The following MAPK8IP3 variants were observed in gnomAD, a reference collection of about 807,000 sequenced individuals.
The protein encoded by MAPK8IP3 is C-Jun-amino-terminal kinase-interacting protein 3.
A neutral mutation model predicts 157.8 loss-of-function variants in MAPK8IP3; 49 were observed. That is an observed-to-expected ratio of 0.31 (90% CI 0.25 to 0.39). The LOEUF is 0.39. Ranked by LOEUF, MAPK8IP3 falls within the 10% of genes least tolerant of loss-of-function variation. The pLI, the probability that MAPK8IP3 is intolerant of heterozygous loss-of-function variation, is 1.00. For missense variants in MAPK8IP3, 1,478 were observed against 1,889.4 expected (o/e 0.78, Z 4.04); for synonymous variants, 897 against 777.7 (o/e 1.15, Z -2.55).
chr16:1,726,971 TGTCTGTGTGTTGTGTGCTGTGTGCAGC>T (rs2038919406), intron 2 of MAPK8IP3, among the ~76,000 whole-genome samples: 2 of 151,364 alleles, frequency 1.3e-5, no homozygotes, highest in African/African-American at 2.4e-5. Context: ...CTGTGTGCAG[TGTCTGTGTGTTGTGTGCTGTGTGCAGC>T]GTCTGTGTGT....
At chr16:1,752,365 G>T in intron 8 of MAPK8IP3, 1 of 244,004 alleles carries the variant, frequency 4.1e-6, no homozygotes, top group South Asian at 3.3e-5. Context: ...GGGCATCGCC[G>T]AGCTCAGGCT....
At chr16:1,723,992 C>T (rs749906489) in intron 1 of MAPK8IP3, among the ~76,000 whole-genome samples, 2 of 152,120 alleles carry the variant, frequency 1.3e-5, no homozygotes, top group South Asian at 2.1e-4. Flanking sequence ...ATCCCAGTAA[C>T]GATGGTGTCC....
chr16:1,769,066 C>A lies in MAPK8IP3; in HGVS notation c.*242C>A. 1.8e-6 allele frequency: 1 copy of A among 557,376 alleles called. No individual in the cohort carries two copies. The highest frequency in any genetic ancestry group is 3.2e-6 in the Non-Finnish European group (1 of 312,154). The allele number at this position is 557,376 out of a possible 1,614,324, so 34.5% of individuals were successfully genotyped here. On this transcript the variant is annotated 3_prime_UTR_variant, in exon 32 of 32. Coordinates refer to ENST00000610761, the MANE Select transcript of MAPK8IP3 (RefSeq NM_001318852.2). Reference sequence around the variant, plus strand: ...GCTCTCGGGACAGTTTCCCGGGCAGCTCCTGGCCAGCTTCCAGCCCAGAGT... The same window carrying A: ...GCTCTCGGGACAGTTTCCCGGGCAGATCCTGGCCAGCTTCCAGCCCAGAGT...
At chr16:1,738,999 T>TGAGA (rs1234633266) in intron 4 of MAPK8IP3, among the ~76,000 whole-genome samples, 4 of 124,176 alleles carry the variant, frequency 3.2e-5, no homozygotes, top group South Asian at 2.9e-4. Flanking sequence ...AGCATCCGTG[T>TGAGA]GTGTGACCAT....
chr16:1,716,048 C>T (rs772673182), intron 1 of MAPK8IP3, among the ~76,000 whole-genome samples: 2 of 152,056 alleles, frequency 1.3e-5, no homozygotes, highest in Non-Finnish European at 2.9e-5. Context: ...TAATGTATTA[C>T]TTTACTCAGC....
At chr16:1,735,947 A>AGC (rs2039722735) in intron 4 of MAPK8IP3, among the ~76,000 whole-genome samples, 1 of 108,266 alleles carries the variant, frequency 9.2e-6, no homozygotes, top group African/African-American at 3.8e-5. Context: ...CGTCTGTGTG[A>AGC]GTGTGACCGC....
rs751887466 is a variant in MAPK8IP3, at chr16:1,729,597, G to A, written c.602+19G>A. 4 of 1,575,744 alleles carry A rather than the reference G, an allele frequency of 2.5e-6. No individual in the cohort carries two copies. Among genetic ancestry groups the A allele is most frequent in the Non-Finnish European group, 3.5e-6 (4 of 1,158,060 alleles). On this transcript the variant is annotated intron_variant, in intron 4 of 31. Coordinates refer to ENST00000610761, the MANE Select transcript of MAPK8IP3 (RefSeq NM_001318852.2). The stretch of plus-strand genomic sequence containing the variant: ...GGCGGAGGTACGCGGGGCGCGGCGG[G>A]GTGGAGGTACGCGGGGCGCGGCGGG...
chr16:1,744,354 C>G, intron 5 of MAPK8IP3: 1 of 986,030 alleles, frequency 1.0e-6, no homozygotes, highest in Non-Finnish European at 1.2e-6. Context: ...TTACTTCCTG[C>G]TGCATGCTTT....
intron 8 of MAPK8IP3, among the ~76,000 whole-genome samples, chr16:1,750,458 C>G (rs926418634): frequency 6.6e-6 from 1 of 152,158 alleles, no homozygotes; most frequent in Non-Finnish European, 1.5e-5. Flanking sequence ...GGTGATCCAC[C>G]CGCCTCAGGC....
At chr16:1,715,733 T>A (rs2038103362) in intron 1 of MAPK8IP3, among the ~76,000 whole-genome samples, 1 of 144,264 alleles carries the variant, frequency 6.9e-6, no homozygotes, top group Non-Finnish European at 1.5e-5. Context: ...GAGGTTTGGA[T>A]TTTTTTTTTT....
In MAPK8IP3 at chr16:1,758,275, C is replaced by T. The variant is rs1443627402; in HGVS notation, c.1228+116C>T. 1.7e-5 allele frequency: 20 copies of T among 1,203,014 alleles called. No homozygotes were observed. The Admixed American group carries it at 1.7e-4, about 10-fold the overall frequency. 74.5% of individuals were successfully genotyped at this position (1,203,014 alleles called of 1,614,324 possible). The stretch of plus-strand genomic sequence containing the variant: ...CTGTGTGGACTGCCCCCCACGTCGC[C>T]GCAGCGCCTCTGCTTCTGCTCGCAG... On this transcript the variant is annotated intron_variant, in intron 9 of 31. Coordinates refer to ENST00000610761, the MANE Select transcript of MAPK8IP3 (RefSeq NM_001318852.2).
chr16:1,753,607 A>C (rs2041425787), intron 8 of MAPK8IP3, among the ~76,000 whole-genome samples: 1 of 151,240 alleles, frequency 6.6e-6, no homozygotes. Flanking sequence ...TGCCCGGCTA[A>C]TTTTTTGTAT....
At chr16:1,715,025 T>C (rs1417755575) in intron 1 of MAPK8IP3, among the ~76,000 whole-genome samples, 1 of 152,158 alleles carries the variant, frequency 6.6e-6, no homozygotes, top group Non-Finnish European at 1.5e-5. Context: ...AATTTATATA[T>C]ATATTTCCCA....
chr16:1,713,334 T>C (rs2037919572), intron 1 of MAPK8IP3, among the ~76,000 whole-genome samples: 1 of 152,202 alleles, frequency 6.6e-6, no homozygotes, highest in Non-Finnish European at 1.5e-5. Context: ...TCCTCCCATC[T>C]CAGCCTCCCG....
intron 8 of MAPK8IP3, among the ~76,000 whole-genome samples, chr16:1,752,705 C>T (rs1248395035): frequency 6.7e-6 from 1 of 149,892 alleles, no homozygotes; most frequent in Admixed American, 6.7e-5. Flanking sequence ...GCTGTGAGCA[C>T]ACCACTGCAC....
In MAPK8IP3 at chr16:1,710,568, C is replaced by A. The variant is rs1359732491; in HGVS notation, c.318+3911C>A. ...AGCTGGAGAAAACAAACACCATAAT[C>A]CCGCTCTACAGAGATGATCAGTCTG... On this transcript the variant is annotated intron_variant, in intron 1 of 31. Coordinates refer to ENST00000610761, the MANE Select transcript of MAPK8IP3 (RefSeq NM_001318852.2). This position sits in a 1 kb window ranked among gnomAD's most constrained non-coding sequence, Gnocchi z 4.1. 1.3e-5 allele frequency among the ~76,000 whole-genome samples: 2 copies of A among 152,180 alleles called. No individual in the cohort carries two copies. The highest frequency in any genetic ancestry group is 2.9e-5 in the Non-Finnish European group (2 of 68,032).
At chr16:1,735,846 C>A (rs1359405968) in intron 4 of MAPK8IP3, among the ~76,000 whole-genome samples, 1 of 114,606 alleles carries the variant, frequency 8.7e-6, no homozygotes, top group East Asian at 3.0e-4. Context: ...AGCGTGACCG[C>A]CCGTGTGAGC....
chr16:1,757,515 C>T (rs751999700), intron 8 of MAPK8IP3, among the ~76,000 whole-genome samples: 1 of 152,192 alleles, frequency 6.6e-6, no homozygotes, highest in Non-Finnish European at 1.5e-5. Flanking sequence ...GCGTTTCCCT[C>T]GCCAGCCTCC....
chr16:1,759,065 G>C (rs945437105), intron 10 of MAPK8IP3, 70 bp downstream of exon 10: 1 of 1,593,802 alleles, frequency 6.3e-7, no homozygotes, highest in Non-Finnish European at 8.6e-7. Flanking sequence ...TTCATGAGCC[G>C]TTTGCTTTGT....
Sources: gnomAD v4.1 joint callset for allele counts (sites outside exome capture counted in the v4.1 genomes callset) on GRCh38, gnomAD v4.1.1 for gene constraint, Gnocchi (gnomAD v3.1) non-coding constraint, MANE v1.5 for transcripts, NCBI Gene and HGNC (gene_info 2026-07-23, HGNC 2026-07-21) for gene names.